The following PCDHA12 variants were observed in gnomAD, a reference collection of about 807,000 sequenced individuals.
PCDHA12 encodes the protein protocadherin alpha 12.
PCDHA12 carries 44 observed loss-of-function variants against 60.0 expected under a neutral mutation model. That is an observed-to-expected ratio of 0.73 (90% confidence interval 0.58 to 0.94). PCDHA12 has a LOEUF of 0.94. PCDHA12 is among the 40% of genes least tolerant of loss of function. PCDHA12 has a pLI of 0.00. For synonymous variants in PCDHA12, 569 were observed against 553.0 expected (o/e 1.03, Z -0.40); for missense variants, 1,276 against 1,239.7 (o/e 1.03, Z -0.44).
chr5:140,986,173 C>G (rs1459755039), intron 3 of PCDHA12, among the ~76,000 whole-genome samples: 1 of 152,202 alleles, frequency 6.6e-6, no homozygotes, highest in Non-Finnish European at 1.5e-5. Flanking sequence ...GCAGGATAAA[C>G]AAGTCAGGCA....
chr5:140,966,932 G>T, intron 1 of PCDHA12: 2 of 1,603,726 alleles, frequency 1.2e-6, no homozygotes, highest in Non-Finnish European at 1.7e-6. Context: ...GGCACCCGGC[G>T]CGCTCGTGGG....
intron 1 of PCDHA12, among the ~76,000 whole-genome samples, chr5:140,908,825 G>A (rs1554193511): frequency 1.3e-5 from 2 of 152,252 alleles, no homozygotes; most frequent in South Asian, 2.1e-4. Flanking sequence ...TGGGTTACTC[G>A]ATAAATGGGC....
chr5:140,958,484 G>T (rs246009), intron 1 of PCDHA12, among the ~76,000 whole-genome samples: 1 of 151,754 alleles, frequency 6.6e-6, no homozygotes, highest in Non-Finnish European at 1.5e-5. Flanking sequence ...AGAGCACTAA[G>T]TCCACATATC....
chr5:140,896,113 T>A (rs10053583), intron 1 of PCDHA12, among the ~76,000 whole-genome samples: 2,120 of 152,286 alleles, frequency 0.014, 43 homozygotes, highest in African/African-American at 0.049. Flanking sequence ...GCCTGGCCAA[T>A]GTACTGCATT....
chr5:140,970,423 G>A (rs2096404787), intron 1 of PCDHA12, among the ~76,000 whole-genome samples: 1 of 151,762 alleles, frequency 6.6e-6, no homozygotes, highest in Admixed American at 6.6e-5. Context: ...AAGGTGTAGA[G>A]GCAGGTGTTA....
Position 140,968,070 on chromosome 5 carries a change from A to G in PCDHA12, c.2368-10879A>G, listed in dbSNP as rs377189542. On this transcript the variant is annotated intron_variant, in intron 1 of 3. Transcript: ENST00000398631. The stretch of plus-strand genomic sequence containing the variant: ...CTGGACCGAGAGCGGGTGGCTGTCT[A>G]CAACATCACGGTGACAGCCACAGAT... 3.5e-5 allele frequency: 57 copies of G among 1,614,034 alleles called. No homozygotes were observed. The highest frequency in any genetic ancestry group is 1.6e-4 in the Middle Eastern group (1 of 6,082).
chr5:140,919,763 A>T (rs2079297949), intron 1 of PCDHA12, among the ~76,000 whole-genome samples: 2 of 152,090 alleles, frequency 1.3e-5, no homozygotes, highest in African/African-American at 4.8e-5. Flanking sequence ...TGCCTTTTGT[A>T]TTACTGTTAC....
intron 1 of PCDHA12, chr5:140,928,142 C>T (rs2084978114): frequency 1.9e-6 from 3 of 1,614,170 alleles, no homozygotes; most frequent in East Asian, 2.2e-5. Flanking sequence ...CTGATCACGG[C>T]CTCAGATAGT....
At chr5:140,925,941 G>A (rs1311329302) in intron 1 of PCDHA12, among the ~76,000 whole-genome samples, 2 of 138,504 alleles carry the variant, frequency 1.4e-5, no homozygotes, top group South Asian at 2.1e-4. Flanking sequence ...GAGCCTCTTG[G>A]AGAAGGAGAA....
intron 1 of PCDHA12, chr5:140,969,516 A>G: frequency 1.4e-6 from 2 of 1,410,726 alleles, no homozygotes; most frequent in Non-Finnish European, 1.9e-6. Flanking sequence ...GCACTAAAGA[A>G]TTGTTTTATT....
rs201129017 is a variant in PCDHA12, at chr5:140,876,587, T to C, written c.1115T>C (p.Ile372Thr). 6.2e-7 allele frequency: 1 copy of C among 1,614,208 alleles called. No homozygotes were observed. Among genetic ancestry groups the C allele is most frequent in the African/African-American group, 1.3e-5 (1 of 75,060 alleles). ...CAGGTGGGTACCGTCATTGCCCTGATTAGCGTGTCGGATCGTGACTCTGGA... is the reference window on the plus strand; with the variant it reads ...CAGGTGGGTACCGTCATTGCCCTGACTAGCGTGTCGGATCGTGACTCTGGA... The part of the protein sequence containing the change: ...DAQVGTVIAL[I>T]SVSDRDSGAN... The change falls in exon 1 of 4, where the codon ATT becomes ACT. Residue 372 changes from isoleucine (I) to threonine (T), a missense_variant. Coordinates refer to ENST00000398631, the MANE Select transcript of PCDHA12 (RefSeq NM_018903.4).
intron 1 of PCDHA12, chr5:140,928,615 A>T: frequency 6.2e-7 from 1 of 1,614,276 alleles, no homozygotes. Flanking sequence ...CCGCTCTGCC[A>T]GGACTGGACA....
At chr5:140,884,006 C>A in intron 1 of PCDHA12, 1 of 1,613,022 alleles carries the variant, frequency 6.2e-7, no homozygotes, top group Non-Finnish European at 8.5e-7. Context: ...AGTGAGCGAG[C>A]TGATGCCGCG....
rs1554262618 is a variant in PCDHA12, at chr5:141,009,958, C to T, written c.*21C>T. On this transcript the variant is annotated 3_prime_UTR_variant, in exon 4 of 4. Transcript: ENST00000398631. The stretch of plus-strand genomic sequence containing the variant: ...AGTGAGGTCCTCAAATGGAAACAAG[C>T]CACTTAGCCAGTTTTTGTAATAATG... 1.3e-6 allele frequency: 2 copies of T among 1,589,012 alleles called. No homozygotes were observed. The highest frequency in any genetic ancestry group is 1.7e-6 in the Non-Finnish European group (2 of 1,171,000).
chr5:140,969,600 C>CTAAAACACA, intron 1 of PCDHA12: 1 of 778,552 alleles, frequency 1.3e-6, no homozygotes, highest in South Asian at 2.1e-5. Flanking sequence ...ATATTTAATG[C>CTAAAACACA]TAAAACACAG....
At chr5:140,984,973 T>C (rs1397062066) in intron 3 of PCDHA12, among the ~76,000 whole-genome samples, 1 of 152,150 alleles carries the variant, frequency 6.6e-6, no homozygotes, top group Non-Finnish European at 1.5e-5. Context: ...AGTCTCGCTC[T>C]GTCCCCCAGG....
At chr5:140,958,888 A>G (rs1563299951) in intron 1 of PCDHA12, among the ~76,000 whole-genome samples, 3 of 152,040 alleles carry the variant, frequency 2.0e-5, no homozygotes, top group African/African-American at 7.2e-5. Flanking sequence ...ACCAGTAGCT[A>G]TATAATAGAT....
chr5:140,927,814 G>GCATA (rs1554205103), intron 1 of PCDHA12: 1 of 1,614,172 alleles, frequency 6.2e-7, no homozygotes, highest in Non-Finnish European at 8.5e-7. Context: ...GCTCTTGGAG[G>GCATA]CATACATTGA....
intron 1 of PCDHA12, among the ~76,000 whole-genome samples, chr5:140,946,591 A>C (rs972556402): frequency 5.0e-5 from 6 of 119,488 alleles, no homozygotes; most frequent in African/African-American, 2.1e-4. Context: ...ATAGTGGATG[A>C]ATAGATAAAG....
Sources: gnomAD v4.1 joint callset for allele counts (sites outside exome capture counted in the v4.1 genomes callset) on GRCh38, gnomAD v4.1.1 for gene constraint, MANE v1.5 for transcripts, NCBI Gene and HGNC (gene_info 2026-07-23, HGNC 2026-07-21) for gene names.